The following PDE4C variants were observed in gnomAD, a reference collection of about 807,000 sequenced individuals.
The protein encoded by PDE4C is phosphodiesterase 4C, also known as 3',5'-cyclic-AMP phosphodiesterase 4C.
In PDE4C, 50 loss-of-function variants were observed where a neutral mutation model predicts 63.9. That is an observed-to-expected ratio of 0.78 (90% CI 0.62 to 0.99). The LOEUF is 0.99. Among genes scored for constraint, PDE4C ranks in the 50% least tolerant of loss-of-function variants. The probability of loss-of-function intolerance (pLI) is 0.00; values close to 1 mark genes in which losing one functional copy is unlikely to be tolerated. For missense variants in PDE4C, 777 were observed against 899.1 expected (o/e 0.86, Z 1.74); for synonymous variants, 377 against 385.1 (o/e 0.98, Z 0.25).
chr19:18,218,460 G>T, exon 10 of PDE4C: 1 of 1,614,222 alleles, frequency 6.2e-7, no homozygotes, highest in Non-Finnish European at 8.5e-7. Context: ...TGGCCAGTGT[G>T]TCTGCTGGGA....
intron 1 of PDE4C, among the ~76,000 whole-genome samples, chr19:18,223,196 C>G (rs1414871628): frequency 6.8e-6 from 1 of 147,174 alleles, no homozygotes; most frequent in Non-Finnish European, 1.5e-5. Context: ...GTGCGCACCA[C>G]CACGCCCGGC....
chr19:18,219,218 G>A lies in PDE4C; in HGVS notation c.870+16C>T. On this transcript the variant is annotated intron_variant, in intron 8 of 14. Coordinates refer to ENST00000262805, the Ensembl canonical transcript of PDE4C. ...GGGACCAAACCTTGATCTTGGCATT[G>A]TGGTTGGGGACCCACCTTGGCCAGT... 6.2e-7 allele frequency: 1 copy of A among 1,614,050 alleles called. No individual in the cohort carries two copies. The highest frequency in any genetic ancestry group is 8.5e-7 in the Non-Finnish European group (1 of 1,180,016).
At chr19:18,217,074 T>G (rs1968232029) in intron 11 of PDE4C, 179 bp from the exon 12 acceptor site, 1 of 610,918 alleles carries the variant, frequency 1.6e-6, no homozygotes, top group East Asian at 3.0e-5. Flanking sequence ...GGGCTAGGGT[T>G]GTCTGTGTTT....
At chr19:18,233,293 G>T (rs922482961) in exon 1 of PDE4C, 1 of 1,496,246 alleles carries the variant, frequency 6.7e-7, no homozygotes, top group South Asian at 1.2e-5. Context: ...GCCGGGAGTG[G>T]AGGCGACAGC....
Position 18,220,837 on chromosome 19 carries a change from TGTCCTCAGCG to T in PDE4C, c.499+27_499+36del. Reference sequence around the variant, plus strand: ...TCACTATGGAAAGGAAGCTCCCAGCTGTCCTCAGCGGGGGAGGGAAGGAACAGGTACTTTA... The same window carrying T: ...TCACTATGGAAAGGAAGCTCCCAGCTGGGGAGGGAAGGAACAGGTACTTTA... On this transcript the variant is annotated intron_variant, in intron 5 of 14. Coordinates refer to ENST00000262805, the Ensembl canonical transcript of PDE4C. The surrounding 1 kb of genome is among the most constrained non-coding windows in gnomAD (Gnocchi z 5.1). The T allele has an allele frequency of 6.3e-7, 1 of 1,589,224 alleles. No individual in the cohort carries two copies. Among genetic ancestry groups the T allele is most frequent in the Non-Finnish European group, 8.6e-7 (1 of 1,164,718 alleles).
chr19:18,246,850 C>A (rs1969143282), intron 1 of PDE4C, among the ~76,000 whole-genome samples: 1 of 152,160 alleles, frequency 6.6e-6, no homozygotes, highest in Non-Finnish European at 1.5e-5. Context: ...TCACTTAAAC[C>A]CGGGAAGCAG....
chr19:18,215,197 C>T (rs1182652456), intron 12 of PDE4C, among the ~76,000 whole-genome samples: 1 of 152,176 alleles, frequency 6.6e-6, no homozygotes, highest in Non-Finnish European at 1.5e-5. Context: ...GCCCTCCTCA[C>T]GTGGGGTTCC....
upstream of PDE4C, chr19:18,250,383 A>T (rs188718576): frequency 1.7e-4 from 67 of 399,008 alleles, no homozygotes; most frequent in East Asian, 2.2e-3. Context: ...ATGACCACAG[A>T]CCCGATGAGC....
At chr19:18,226,565 G>T, upstream of PDE4C, 1 of 473,704 alleles carries the variant, frequency 2.1e-6, no homozygotes, top group Non-Finnish European at 3.5e-6. Flanking sequence ...CGGGACAAAC[G>T]GGGAAACTGA....
At chr19:18,215,537 GAC>G (rs1429816970) in intron 12 of PDE4C, among the ~76,000 whole-genome samples, 1 of 149,896 alleles carries the variant, frequency 6.7e-6, no homozygotes, top group Non-Finnish European at 1.5e-5. Context: ...TTTTTTTTGA[GAC>G]AGAGTCTTGC....
upstream of PDE4C, among the ~76,000 whole-genome samples, chr19:18,228,796 G>A (rs182214767): frequency 2.4e-4 from 36 of 152,278 alleles, no homozygotes; most frequent in Non-Finnish European, 4.7e-4. Context: ...TCCAAGCCCC[G>A]CTGGGTAAGG....
chr19:18,240,214 T>A (rs1373002525), intron 1 of PDE4C, among the ~76,000 whole-genome samples: 1 of 141,776 alleles, frequency 7.1e-6, no homozygotes, highest in Non-Finnish European at 1.5e-5. Flanking sequence ...CTTTGGGAGG[T>A]TGAGGCCAAA....
chr19:18,214,169 A>G, intron 12 of PDE4C, among the ~76,000 whole-genome samples: 1 of 151,756 alleles, frequency 6.6e-6, no homozygotes. Flanking sequence ...GAGGCAGGAG[A>G]ATGGCATGAA....
intron 12 of PDE4C, among the ~76,000 whole-genome samples, chr19:18,214,549 G>C (rs1467267842): frequency 6.6e-6 from 1 of 152,106 alleles, no homozygotes; most frequent in Non-Finnish European, 1.5e-5. Flanking sequence ...AGCCACAGGG[G>C]AGTTTGCAGC....
upstream of PDE4C, among the ~76,000 whole-genome samples, chr19:18,235,177 GT>G (rs1968930044): frequency 6.6e-6 from 1 of 152,102 alleles, no homozygotes; most frequent in Non-Finnish European, 1.5e-5. Context: ...TGTCTAGTTT[GT>G]TTGTTTGTTT....
chr19:18,224,306 T>G, intron 1 of PDE4C: 1 of 985,420 alleles, frequency 1.0e-6, no homozygotes, highest in African/African-American at 1.7e-5. Context: ...CGCCTGAGAC[T>G]CGGAGCTCCC....
chr19:18,246,315 C>T (rs933115726), intron 1 of PDE4C, among the ~76,000 whole-genome samples: 2 of 150,986 alleles, frequency 1.3e-5, no homozygotes, highest in Non-Finnish European at 2.9e-5. Flanking sequence ...TCCCAAGTAG[C>T]TGGGACTACA....
chr19:18,233,100 T>G, exon 1 of PDE4C: 1 of 1,569,462 alleles, frequency 6.4e-7, no homozygotes, highest in Non-Finnish European at 8.6e-7. Flanking sequence ...CCGCCACAGG[T>G]GCTTCGGGGC....
At chr19:18,233,221 G>C in exon 1 of PDE4C, 1 of 1,550,178 alleles carries the variant, frequency 6.5e-7, no homozygotes, top group Non-Finnish European at 8.7e-7. Context: ...GGGATAGCAG[G>C]GAGCAGGACT....
Sources: allele counts gnomAD v4.1 joint callset (sites outside exome capture counted in the v4.1 genomes callset), GRCh38; gene constraint gnomAD v4.1.1; non-coding constraint Gnocchi (gnomAD v3.1); transcripts MANE v1.5; gene names NCBI Gene and HGNC (gene_info 2026-07-23, HGNC 2026-07-21).